The following PROC variants were observed in gnomAD, a reference collection of about 807,000 sequenced individuals.
The protein encoded by PROC is vitamin K-dependent protein C.
In PROC, 22 loss-of-function variants were observed where a neutral mutation model predicts 36.3. That is an observed-to-expected ratio of 0.61 (90% confidence interval 0.43 to 0.86). PROC has a LOEUF of 0.86. PROC is among the 40% of genes least tolerant of loss of function. The probability of loss-of-function intolerance (pLI) is 0.00; values close to 1 mark genes in which losing one functional copy is unlikely to be tolerated. For missense variants in PROC, 526 were observed against 629.7 expected, an observed-to-expected ratio of 0.84 and a Z score of 1.76; for synonymous variants, 218 against 244.5, an observed-to-expected ratio of 0.89 and a Z score of 1.01.
In PROC at chr2:127,427,993, C is replaced by A. The variant is rs2069931; in HGVS notation, c.797-364C>A. ...GGTCTCTCCAGCTACCTTTGCTCCA[C>A]GTTCCTTTGTGGCTCTGGTCTGTGT... On this transcript the variant is annotated intron_variant, in intron 8 of 8. Transcript: ENST00000234071. Among the ~76,000 whole-genome samples the A allele has an allele frequency of 2.6e-5, 4 of 151,998 alleles. No individual in the cohort carries two copies. In the South Asian group the frequency reaches 6.2e-4, roughly 24 times the overall value.
At position 127,418,589 on chromosome 2, in the gene PROC, CAGGGTG is replaced by C; in HGVS notation, c.-22+98_-22+103del. 9.0e-7 allele frequency: 1 copy of C among 1,109,688 alleles called. No homozygotes were observed. Among genetic ancestry groups the C allele is most frequent in the Non-Finnish European group, 1.2e-6 (1 of 827,792 alleles). The allele number at this position is 1,109,688 out of a possible 1,614,324, so 68.7% of individuals were successfully genotyped here. A position where few individuals can be genotyped will look rare whatever the true frequency, so the allele number is the denominator to read the frequency against. On this transcript the variant is annotated intron_variant, in intron 1 of 8. Transcript: ENST00000234071. The surrounding 1 kb of genome is among the most constrained non-coding windows in gnomAD (Gnocchi z 4.8). ...GGTGATGAGGGCTGAATCCTCCAGC[CAGGGTG>C]CTCAACAAGCCTGAGCTTGGGGTGA...
intron 5 of PROC, 49 bp downstream of exon 5, chr2:127,423,220 C>A (rs1558713538): frequency 7.4e-7 from 1 of 1,349,376 alleles, no homozygotes; most frequent in Non-Finnish European, 1.0e-6. Context: ...GGGCTGGGGC[C>A]GGGTTGGGGG....
rs138935191 is a variant in PROC at position 127,426,634 on chromosome 2, T to C, written c.678+407T>C. On this transcript the variant is annotated intron_variant, in intron 7 of 8. Transcript: ENST00000234071. This position sits in a 1 kb window ranked among gnomAD's most constrained non-coding sequence, Gnocchi z 7.0. Reference sequence around the variant, plus strand: ...CCCTCTCTGCCAGGCATGGGGGAGATAGGAACCAACAAGTGGGAGTATTTG... The same window carrying C: ...CCCTCTCTGCCAGGCATGGGGGAGACAGGAACCAACAAGTGGGAGTATTTG... 8.8e-3 allele frequency: 2,901 copies of C among 331,160 alleles called. 23 individuals carry two copies. The highest frequency in any genetic ancestry group is 0.012 in the Non-Finnish European group (2,103 of 171,836). 20.5% of individuals were successfully genotyped at this position (331,160 alleles called of 1,614,324 possible). A position where few individuals can be genotyped will look rare whatever the true frequency, so the allele number is the denominator to read the frequency against.
Position 127,418,466 on chromosome 2 carries a change from C to G in PROC, c.-48C>G. 1 of 1,289,818 alleles carries G rather than the reference C, an allele frequency of 7.8e-7. No individual in the cohort carries two copies. Among genetic ancestry groups the G allele is most frequent in the Non-Finnish European group, 1.0e-6 (1 of 988,860 alleles). The allele number at this position is 1,289,818 out of a possible 1,614,324, so 79.9% of individuals were successfully genotyped here. A position where few individuals can be genotyped will look rare whatever the true frequency, so the allele number is the denominator to read the frequency against. On this transcript the variant is annotated 5_prime_UTR_variant, in exon 1 of 9. Transcript: ENST00000234071. This position sits in a 1 kb window ranked among gnomAD's most constrained non-coding sequence, Gnocchi z 4.8. ...GCTGTCATGGCGGCAGGACGGCGAA[C>G]TTGCAGTATCTCCACGACCCGCCCC...
At chr2:127,428,247 C>G (rs1326170523) in intron 8 of PROC, 110 bp from the exon 9 acceptor site, 14 of 1,089,944 alleles carry the variant, frequency 1.3e-5, no homozygotes, top group Non-Finnish European at 1.9e-5. Flanking sequence ...GAACCTTCTT[C>G]AGGCCCTCTG....
In PROC at chr2:127,426,042, G is replaced by A. The variant is rs199726841; in HGVS notation, c.536-43G>A. On this transcript the variant is annotated intron_variant, in intron 6 of 8. Coordinates refer to ENST00000234071, the MANE Select transcript of PROC (RefSeq NM_000312.4). This position sits in a 1 kb window ranked among gnomAD's most constrained non-coding sequence, Gnocchi z 7.0. Reference sequence around the variant, plus strand: ...GACCAAGACAGGAGGGCAGTCTCGGGAGGAGTGCCTGGCAGGCCCCTCACC... The same window carrying A: ...GACCAAGACAGGAGGGCAGTCTCGGAAGGAGTGCCTGGCAGGCCCCTCACC... The A allele has an allele frequency of 1.0e-3, 1,627 of 1,613,502 alleles. 15 individuals carry two copies. In the South Asian group the frequency reaches 0.014, roughly 14 times the overall value.
rs1688691932 is a variant in PROC at position 127,428,712 on chromosome 2, C to T, written c.1152C>T (p.Asn384=). The T allele has an allele frequency of 1.2e-6, 2 of 1,613,668 alleles. No individual in the cohort carries two copies. The highest frequency in any genetic ancestry group is 1.1e-5 in the South Asian group (1 of 91,096). Residue 384 remains asparagine (N), a synonymous_variant, in exon 9 of 9, where the codon AAC becomes AAT. Transcript: ENST00000234071. ...SEVMSNMVSE[N]MLCAGILGDR... ...TCATGAGCAACATGGTGTCTGAGAA[C>T]ATGCTGTGTGCGGGCATCCTCGGGG... is the stretch of plus-strand genomic sequence containing the variant.
rs1207902871 is a variant in PROC, at chr2:127,421,425, A to C, written c.213A>C (p.Glu71Asp). The C allele has an allele frequency of 1.2e-6, 2 of 1,613,912 alleles. No homozygotes were observed. Among genetic ancestry groups the C allele is most frequent in the Non-Finnish European group, 8.5e-7 (1 of 1,179,942 alleles). Residue 71 changes from glutamate to aspartate, a missense_variant, in exon 3 of 9, where the codon GAA (glutamate) becomes GAC (aspartate). Physicochemically the swap from Glu to Asp is conservative, Grantham distance 45. Transcript: ENST00000234071. ...EEICDFEEAK[E>D]IFQNVDDTLA... ...TCTGTGACTTCGAGGAGGCCAAGGAAATTTTCCAAAATGTGGATGACACAG... is the reference window on the plus strand; with the variant it reads ...TCTGTGACTTCGAGGAGGCCAAGGACATTTTCCAAAATGTGGATGACACAG...
At chr2:127,427,075 C>T in intron 7 of PROC, 30 bp from the exon 8 acceptor site, 4 of 1,593,806 alleles carry the variant, frequency 2.5e-6, no homozygotes, top group Non-Finnish European at 3.4e-6. Context: ...GGAGGCAGCC[C>T]TGTGATGTCA....
intron 8 of PROC, among the ~76,000 whole-genome samples, chr2:127,427,596 AGACT>A (rs1242214351): frequency 6.6e-6 from 1 of 152,174 alleles, no homozygotes; most frequent in Non-Finnish European, 1.5e-5. Flanking sequence ...TGCCTCCCAC[AGACT>A]GACAGGGATG....
intron 6 of PROC, among the ~76,000 whole-genome samples, chr2:127,425,718 T>G (rs1426309392): frequency 6.6e-6 from 1 of 151,904 alleles, no homozygotes; most frequent in African/African-American, 2.4e-5. Context: ...TGGTACTGTT[T>G]GTTGACTGAC....
chr2:127,419,213 C>T (rs1573431985), intron 1 of PROC, among the ~76,000 whole-genome samples: 1 of 152,160 alleles, frequency 6.6e-6, no homozygotes, highest in African/African-American at 2.4e-5. Context: ...TTTAATAAAC[C>T]ACTTAACTCC....
In PROC at chr2:127,421,373, G is replaced by A; in HGVS notation, c.161G>A (p.Ser54Asn). Residue 54 changes from serine (S) to asparagine (N), a missense_variant, in exon 3 of 9, where the codon AGC (serine) becomes AAC (asparagine). Physicochemically the swap from Ser to Asn is conservative, Grantham distance 46. Transcript: ENST00000234071. ...TTCCTGGAGGAGCTCCGTCACAGCA[G>A]CCTGGAGCGGGAGTGCATAGAGGAG... ...NSFLEELRHSSLERECIEEIC... is the reference protein window; with the variant it reads ...NSFLEELRHSNLERECIEEIC... The A allele has an allele frequency of 6.2e-7, 1 of 1,613,950 alleles. No homozygotes were observed. The highest frequency in any genetic ancestry group is 1.7e-5 in the Admixed American group (1 of 60,030).
intron 8 of PROC, among the ~76,000 whole-genome samples, chr2:127,428,074 C>A (rs949228900): frequency 1.3e-5 from 2 of 152,228 alleles, no homozygotes; most frequent in South Asian, 2.1e-4. Flanking sequence ...TCTGGTCTCA[C>A]GGCTCCGTGA....
chr2:127,428,081 G>A (rs1021054348), intron 8 of PROC, among the ~76,000 whole-genome samples: 1 of 152,210 alleles, frequency 6.6e-6, no homozygotes, highest in Non-Finnish European at 1.5e-5. Context: ...TCACGGCTCC[G>A]TGACTCCTGA....
chr2:127,425,683 G>T (rs954182797), intron 6 of PROC, among the ~76,000 whole-genome samples: 20 of 152,132 alleles, frequency 1.3e-4, no homozygotes, highest in African/African-American at 3.9e-4. Flanking sequence ...GGGCGATGCT[G>T]CCTGGCCTGA....
Position 127,418,714 on chromosome 2 carries a change from G to A in PROC, c.-22+222G>A, listed in dbSNP as rs915693059. ...CCTCTTTCCAGGCCAAGGGTCCCCAGGGCCCAGGGCCATTCCAACAGACAG... is the reference window on the plus strand; with the variant it reads ...CCTCTTTCCAGGCCAAGGGTCCCCAAGGCCCAGGGCCATTCCAACAGACAG... On this transcript the variant is annotated intron_variant, in intron 1 of 8. Transcript: ENST00000234071. This position sits in a 1 kb window ranked among gnomAD's most constrained non-coding sequence, Gnocchi z 4.8. Among the ~76,000 whole-genome samples the A allele has an allele frequency of 8.7e-5, 13 of 149,460 alleles. No individual in the cohort carries two copies. Among genetic ancestry groups the A allele is most frequent in the African/African-American group, 2.7e-4 (11 of 41,222 alleles).
At position 127,428,554 on chromosome 2, in the gene PROC, C is replaced by G. The variant is rs761348643; in HGVS notation, c.994C>G (p.Gln332Glu). The change falls in exon 9 of 9, where the codon CAG becomes GAG. Residue 332 changes from glutamine (Q) to glutamate (E), a missense_variant. Transcript: ENST00000234071. ...CGGCCTTGCAGAGCGCGAGCTCAAT[C>G]AGGCCGGCCAGGAGACCCTCGTGAC... ...DSGLAERELN[Q>E]AGQETLVTGW... 1 of 1,613,914 alleles carries G rather than the reference C, an allele frequency of 6.2e-7. No individual in the cohort carries two copies. Among genetic ancestry groups the G allele is most frequent in the Non-Finnish European group, 8.5e-7 (1 of 1,180,032 alleles).
rs1688692415 is a variant in PROC, at chr2:127,428,715, G to A, written c.1155G>A (p.Met385Ile). The A allele has an allele frequency of 1.2e-6, 2 of 1,613,738 alleles. No individual in the cohort carries two copies. The highest frequency in any genetic ancestry group is 1.7e-6 in the Non-Finnish European group (2 of 1,180,030). Residue 385 changes from methionine (M) to isoleucine (I), a missense_variant, in exon 9 of 9, where the codon ATG becomes ATA. Transcript: ENST00000234071. ...EVMSNMVSEN[M>I]LCAGILGDRQ... ...TGAGCAACATGGTGTCTGAGAACAT[G>A]CTGTGTGCGGGCATCCTCGGGGACC...
Sources: allele counts gnomAD v4.1 joint callset (sites outside exome capture counted in the v4.1 genomes callset), GRCh38; gene constraint gnomAD v4.1.1; non-coding constraint Gnocchi (gnomAD v3.1); transcripts MANE v1.5; gene names NCBI Gene and HGNC (gene_info 2026-07-23, HGNC 2026-07-21).